Variants in MACROD2 observed in about 807,000 individuals in gnomAD.
MACROD2 encodes the protein ADP-ribose glycohydrolase MACROD2.
MACROD2 carries 36 observed loss-of-function variants against 70.4 expected under a neutral mutation model. The ratio of observed to expected loss-of-function variants is 0.51; its 90% CI spans 0.39 to 0.68. MACROD2 has a LOEUF of 0.68. Among genes scored for constraint, MACROD2 ranks in the 30% least tolerant of loss-of-function variants. The pLI, the probability that MACROD2 is intolerant of heterozygous loss-of-function variation, is 0.00. For missense variants in MACROD2, 496 were observed against 538.4 expected (o/e 0.92, Z 0.78); for synonymous variants, 172 against 178.8 (o/e 0.96, Z 0.30).
At chr20:16,020,319 G>T (rs1204947979) in intron 15 of MACROD2, among the ~76,000 whole-genome samples, 2 of 151,894 alleles carry the variant, frequency 1.3e-5, no homozygotes, top group East Asian at 3.9e-4. Context: ...ATGGTCCTTT[G>T]CTCCTGGCCA....
At chr20:14,968,007 T>C (rs1238549648) in intron 5 of MACROD2, among the ~76,000 whole-genome samples, 1 of 152,192 alleles carries the variant, frequency 6.6e-6, no homozygotes, top group Non-Finnish European at 1.5e-5. Context: ...ATTTTTATGC[T>C]CAGTGGTTTT....
At chr20:15,015,499 C>G (rs2075114426) in intron 5 of MACROD2, among the ~76,000 whole-genome samples, 1 of 151,268 alleles carries the variant, frequency 6.6e-6, no homozygotes, top group Non-Finnish European at 1.5e-5. Context: ...GGTAGTACCC[C>G]CAGCACACAA....
chr20:15,884,700 A>G (rs949511450), intron 9 of MACROD2, among the ~76,000 whole-genome samples: 1 of 152,114 alleles, frequency 6.6e-6, no homozygotes, highest in African/African-American at 2.4e-5. Flanking sequence ...AGGACCAAAC[A>G]TAGAAACAGG....
In MACROD2 at chr20:15,619,314, T is replaced by C. The variant is rs144943521; in HGVS notation, c.645+119467T>C. Among the ~76,000 whole-genome samples, 1,441 of 152,324 alleles carry C rather than the reference T, an allele frequency of 9.5e-3. 19 individuals are homozygous for C. Among genetic ancestry groups the C allele is most frequent in the African/African-American group, 0.033 (1,368 of 41,562 alleles). ...ACTATAAACTACGTTCTTCCCAAAG[T>C]TGGTTCAGCCTACACCCAGTAATAA... On this transcript the variant is annotated intron_variant, in intron 8 of 17. Coordinates refer to ENST00000684519, the MANE Select transcript of MACROD2 (RefSeq NM_001351661.2).
chr20:15,875,395 C>A (rs1210364722), intron 9 of MACROD2, among the ~76,000 whole-genome samples: 2 of 152,010 alleles, frequency 1.3e-5, no homozygotes, highest in Admixed American at 6.6e-5. Context: ...TGAATGTTTA[C>A]AAGTACATGG....
chr20:14,831,569 G>A (rs989213109), intron 5 of MACROD2, among the ~76,000 whole-genome samples: 5 of 151,240 alleles, frequency 3.3e-5, no homozygotes, highest in South Asian at 2.1e-4. Flanking sequence ...ACCTGAGGTC[G>A]GGAGTTTGAG....
intron 6 of MACROD2, among the ~76,000 whole-genome samples, chr20:15,397,156 A>G (rs886565346): frequency 2.0e-5 from 3 of 152,246 alleles, no homozygotes; most frequent in African/African-American, 7.2e-5. Flanking sequence ...GGTTAGAGCA[A>G]ACACTGTGAC....
intron 8 of MACROD2, among the ~76,000 whole-genome samples, chr20:15,811,292 C>A (rs529449893): frequency 3.3e-5 from 5 of 151,522 alleles, no homozygotes; most frequent in South Asian, 4.2e-4. Flanking sequence ...TGAACAGACA[C>A]TTCTCAAAAG....
At chr20:15,513,602 A>G (rs1251271370) in intron 8 of MACROD2, among the ~76,000 whole-genome samples, 1 of 152,196 alleles carries the variant, frequency 6.6e-6, no homozygotes, top group African/African-American at 2.4e-5. Flanking sequence ...GACATTGACA[A>G]GAGAAAGATT....
At chr20:14,870,723 T>C (rs1487939257) in intron 5 of MACROD2, among the ~76,000 whole-genome samples, 1 of 152,152 alleles carries the variant, frequency 6.6e-6, no homozygotes, top group Non-Finnish European at 1.5e-5. Context: ...TTTCATATGA[T>C]TGCTGGCCAT....
intron 3 of MACROD2, among the ~76,000 whole-genome samples, chr20:14,354,464 A>T (rs1020674276): frequency 6.6e-6 from 1 of 152,172 alleles, no homozygotes; most frequent in South Asian, 2.1e-4. Context: ...TTTTAGGTGG[A>T]TATCAGCCTT....
At chr20:14,640,611 C>T (rs140405093) in intron 4 of MACROD2, among the ~76,000 whole-genome samples, 9 of 152,202 alleles carry the variant, frequency 5.9e-5, no homozygotes, top group African/African-American at 2.2e-4. Flanking sequence ...TACAGGCACA[C>T]TTCAGAGATA....
chr20:14,584,201 T>A (rs1568683796), intron 4 of MACROD2, among the ~76,000 whole-genome samples: 1 of 152,224 alleles, frequency 6.6e-6, no homozygotes, highest in Non-Finnish European at 1.5e-5. Context: ...AGCAGCGTTT[T>A]GTTTAGAAAT....
intron 5 of MACROD2, among the ~76,000 whole-genome samples, chr20:15,125,175 T>C (rs569489549): frequency 6.6e-6 from 1 of 152,200 alleles, no homozygotes; most frequent in Non-Finnish European, 1.5e-5. Context: ...TATATATATA[T>C]TAAGTTCTCA....
At chr20:14,787,062 C>G (rs2072383509) in intron 5 of MACROD2, among the ~76,000 whole-genome samples, 1 of 152,098 alleles carries the variant, frequency 6.6e-6, no homozygotes, top group East Asian at 1.9e-4. Context: ...ATAAGCTATA[C>G]ACATAATGAT....
chr20:14,319,838 A>T (rs1245067372), intron 3 of MACROD2, among the ~76,000 whole-genome samples: 2 of 151,994 alleles, frequency 1.3e-5, no homozygotes, highest in African/African-American at 4.8e-5. Flanking sequence ...TACAAAGGGT[A>T]AGTTCTCCTT....
chr20:14,001,879 G>A (rs539842023), intron 1 of MACROD2, among the ~76,000 whole-genome samples: 2 of 152,238 alleles, frequency 1.3e-5, no homozygotes, highest in East Asian at 3.9e-4. Flanking sequence ...CAGGCCATGA[G>A]GGATCTGCTC....
intron 3 of MACROD2, among the ~76,000 whole-genome samples, chr20:14,293,540 A>G (rs1411661258): frequency 1.3e-5 from 2 of 151,840 alleles, no homozygotes; most frequent in Non-Finnish European, 2.9e-5. Flanking sequence ...GCTTGGCTTC[A>G]TGGAGAAACC....
chr20:14,412,748 A>G (rs1289820975), intron 3 of MACROD2, among the ~76,000 whole-genome samples: 1 of 152,190 alleles, frequency 6.6e-6, no homozygotes, highest in Non-Finnish European at 1.5e-5. Flanking sequence ...GGGGTCTGAC[A>G]ATAATAAGAT....
Sources: gnomAD v4.1 joint callset for allele counts (sites outside exome capture counted in the v4.1 genomes callset) on GRCh38, gnomAD v4.1.1 for gene constraint, MANE v1.5 for transcripts, NCBI Gene and HGNC (gene_info 2026-07-23, HGNC 2026-07-21) for gene names.